The following ECM2 variants were observed in gnomAD, a reference collection of about 807,000 sequenced individuals.
ECM2 encodes the protein extracellular matrix protein 2.
ECM2 carries 57 observed loss-of-function variants against 67.5 expected under a neutral mutation model. The ratio of observed to expected loss-of-function variants is 0.84; its 90% CI spans 0.68 to 1.05. The LOEUF (loss-of-function observed/expected upper bound fraction) is 1.05. Among genes scored for constraint, ECM2 ranks in the 50% least tolerant of loss-of-function variants. The probability of loss-of-function intolerance (pLI) is 0.00; values close to 1 mark genes in which losing one functional copy is unlikely to be tolerated. For missense variants in ECM2, 741 were observed against 822.8 expected, an observed-to-expected ratio of 0.90 and a Z score of 1.22; for synonymous variants, 258 against 294.5, an observed-to-expected ratio of 0.88 and a Z score of 1.27.
At chr9:92,540,764 CTG>C (rs916237060), upstream of ECM2, among the ~76,000 whole-genome samples, 4 of 128,578 alleles carry the variant, frequency 3.1e-5, no homozygotes, top group African/African-American at 1.5e-4. Flanking sequence ...GAGCACGACT[CTG>C]TCTCAAAAAA....
At chr9:92,506,756 G>T (rs916669476) in intron 6 of ECM2, among the ~76,000 whole-genome samples, 1 of 152,174 alleles carries the variant, frequency 6.6e-6, no homozygotes, top group Non-Finnish European at 1.5e-5. Context: ...CTTCCAAGCT[G>T]AAATAGCCAG....
At chr9:92,545,191 C>T in the ECM2 span, among the ~76,000 whole-genome samples, 7 of 152,076 alleles carry the variant, frequency 4.6e-5, no homozygotes, top group Non-Finnish European at 8.8e-5. Flanking sequence ...GGAGCTCCTT[C>T]CTGGGATGGC....
intron 4 of ECM2, among the ~76,000 whole-genome samples, chr9:92,513,819 C>T (rs1170504134): frequency 1.3e-5 from 2 of 152,258 alleles, no homozygotes; most frequent in Admixed American, 6.5e-5. Context: ...ATAGAATGTC[C>T]TATATCTTAA....
In ECM2 at chr9:92,495,363, T is replaced by G; in HGVS notation, c.*952A>C. On this transcript the variant is annotated 3_prime_UTR_variant, in exon 10 of 10. Transcript: ENST00000344604. ...TGATTTTGGTAGGGCCAATACATAG[T>G]AAAGACATAGCTTTATTTCAATTGA... 9.2e-6 allele frequency: 9 copies of G among 973,010 alleles called. No homozygotes were observed. Among genetic ancestry groups the G allele is most frequent in the Non-Finnish European group, 9.8e-6 (8 of 818,590 alleles). The allele number at this position is 973,010 out of a possible 1,614,324, so 60.3% of individuals were successfully genotyped here.
At chr9:92,545,445 C>T in the ECM2 span, among the ~76,000 whole-genome samples, 2 of 152,310 alleles carry the variant, frequency 1.3e-5, no homozygotes, top group East Asian at 1.9e-4. Context: ...GGCCCACCGG[C>T]GCTGTGCTTG....
chr9:92,500,602 A>T, intron 9 of ECM2, 125 bp downstream of exon 9: 3 of 932,070 alleles, frequency 3.2e-6, no homozygotes, highest in African/African-American at 1.7e-5. Context: ...AATCTTGTTT[A>T]ATCCAACCCC....
the ECM2 span, among the ~76,000 whole-genome samples, chr9:92,556,796 T>A: frequency 2.0e-5 from 3 of 152,238 alleles, no homozygotes; most frequent in Non-Finnish European, 4.4e-5. Flanking sequence ...TCTGCTGTTG[T>A]GTATCTTTTA....
At chr9:92,550,100 A>G in the ECM2 span, among the ~76,000 whole-genome samples, 1 of 152,222 alleles carries the variant, frequency 6.6e-6, no homozygotes, top group Non-Finnish European at 1.5e-5. Flanking sequence ...ACTCATTTGA[A>G]CAAATGGTGT....
intron 2 of ECM2, among the ~76,000 whole-genome samples, chr9:92,521,499 C>T (rs143664030): frequency 6.4e-4 from 97 of 152,126 alleles, no homozygotes; most frequent in African/African-American, 2.2e-3. Flanking sequence ...AAATAATTAA[C>T]GAAGAAGCAT....
chr9:92,553,503 A>G, the ECM2 span, among the ~76,000 whole-genome samples: 63,470 of 151,898 alleles, frequency 0.42, 15,439 homozygotes, highest in African/African-American at 0.67. Context: ...TGGCAGTATG[A>G]TCATTTCCAC....
chr9:92,506,861 C>T (rs943259412), intron 6 of ECM2, among the ~76,000 whole-genome samples: 38 of 152,090 alleles, frequency 2.5e-4, no homozygotes, highest in African/African-American at 8.7e-4. Context: ...AAGGTTGGTG[C>T]TCAGAGAGAA....
chr9:92,514,552 G>A, intron 4 of ECM2, 79 bp downstream of exon 4: 3 of 1,506,002 alleles, frequency 2.0e-6, no homozygotes, highest in Middle Eastern at 3.6e-4. Context: ...TGAGATTATA[G>A]GCGTGAGCCA....
chr9:92,500,986 A>G lies in ECM2; in HGVS notation c.1672T>C (p.Leu558=). ...YHVPSYLPKS[L]LHLVLLGNQI... ...TTCCCAAGGAGTACTAGGTGCAGCA[A>G]GGACTTGGGTAGATAGGACGGGACG... is the stretch of plus-strand genomic sequence containing the variant. The change falls in exon 9 of 10, where the codon TTG becomes CTG. Residue 558 remains leucine, a synonymous_variant. Coordinates refer to ENST00000344604, the MANE Select transcript of ECM2 (RefSeq NM_001393.4). 3 of 1,614,202 alleles carry G rather than the reference A, an allele frequency of 1.9e-6. No individual in the cohort carries two copies. Among genetic ancestry groups the G allele is most frequent in the Non-Finnish European group, 2.5e-6 (3 of 1,180,042 alleles).
chr9:92,545,707 C>A, the ECM2 span, among the ~76,000 whole-genome samples: 3 of 151,360 alleles, frequency 2.0e-5, no homozygotes, highest in Non-Finnish European at 4.4e-5. Context: ...CAGCTGGGCT[C>A]ATCCAGCTGG....
intron 1 of ECM2, among the ~76,000 whole-genome samples, chr9:92,533,338 T>TAA (rs1563991533): frequency 9.1e-6 from 1 of 109,406 alleles, no homozygotes; most frequent in Non-Finnish European, 1.8e-5. Context: ...AATATATATA[T>TAA]ATATATATAT....
chr9:92,550,612 T>G, the ECM2 span, among the ~76,000 whole-genome samples: 1 of 152,104 alleles, frequency 6.6e-6, no homozygotes, highest in African/African-American at 2.4e-5. Context: ...TCCAGGAGGC[T>G]GGAAGTATTT....
intron 4 of ECM2, among the ~76,000 whole-genome samples, chr9:92,514,215 G>C: frequency 6.7e-6 from 1 of 148,946 alleles, no homozygotes. Context: ...CCCCACCTCA[G>C]CCTCCTGAGT....
the ECM2 span, among the ~76,000 whole-genome samples, chr9:92,544,338 T>G: frequency 6.6e-6 from 1 of 152,294 alleles, no homozygotes; most frequent in South Asian, 2.1e-4. Context: ...TAGCCGGGTG[T>G]GCTGGCACAT....
At chr9:92,493,999 T>A, downstream of ECM2, 1 of 1,402,342 alleles carries the variant, frequency 7.1e-7, no homozygotes, top group Non-Finnish European at 9.9e-7. Flanking sequence ...CAGGCCCCAG[T>A]GTGCTCGTCG....
Sources: allele counts gnomAD v4.1 joint callset (sites outside exome capture counted in the v4.1 genomes callset), GRCh38; gene constraint gnomAD v4.1.1; transcripts MANE v1.5; gene names NCBI Gene and HGNC (gene_info 2026-07-23, HGNC 2026-07-21).